LCNL1: variants seen among roughly 807,000 people sequenced by gnomAD.
LCNL1 encodes lipocalin like 1, also known as lipocalin-like 1 protein.
LCNL1 carries 11 observed loss-of-function variants against 7.9 expected under a neutral mutation model. The observed-to-expected ratio is 1.40, with a 90% CI of 0.88 to 2.32. The LOEUF (loss-of-function observed/expected upper bound fraction) is 2.32. LCNL1 is among the 30% of genes most tolerant of loss of function. The pLI, the probability that LCNL1 is intolerant of heterozygous loss-of-function variation, is 0.00. For synonymous variants in LCNL1, 90 were observed against 92.5 expected (o/e 0.97, Z 0.15); for missense variants, 218 against 217.0 (o/e 1.00, Z -0.03).
At chr9:136,984,621 G>C (rs933028811) in intron 2 of LCNL1, 58 bp downstream of exon 2, 211 of 1,504,464 alleles carry the variant, frequency 1.4e-4, no homozygotes, top group Non-Finnish European at 1.7e-4. Context: ...TGCATGGACT[G>C]CTGGATTGGC....
At position 136,983,372 on chromosome 9, in the gene LCNL1, A is replaced by G; in HGVS notation, c.-215A>G. 3.6e-6 allele frequency: 2 copies of G among 548,044 alleles called. No individual in the cohort carries two copies. Among genetic ancestry groups the G allele is most frequent in the Non-Finnish European group, 6.6e-6 (2 of 302,478 alleles). 33.9% of individuals were successfully genotyped at this position (548,044 alleles called of 1,614,324 possible). A position where few individuals can be genotyped will look rare whatever the true frequency, so the allele number is the denominator to read the frequency against. On this transcript the variant is annotated 5_prime_UTR_variant, in exon 1 of 3. Coordinates refer to ENST00000408973, the MANE Select transcript of LCNL1 (RefSeq NM_207510.4). ...GCCGTACCCCCTGGGTGCCAGCTGC[A>G]GACAGGCCGGTGCTGGGCTGGTGGG...
At position 136,983,580 on chromosome 9, in the gene LCNL1, C is replaced by T; in HGVS notation, c.-7C>T. ...CACTTGCCCTGCAGTTCCAGGGCAC[C>T]TGGTACATGGTCGGGGTGGTGTCAG... On this transcript the variant is annotated 5_prime_UTR_variant, in exon 1 of 3. Transcript: ENST00000408973. The T allele has an allele frequency of 6.2e-7, 1 of 1,612,828 alleles. No individual in the cohort carries two copies. The highest frequency in any genetic ancestry group is 8.5e-7 in the Non-Finnish European group (1 of 1,179,076).
At chr9:136,983,847 C>A in intron 1 of LCNL1, 139 bp downstream of exon 1, 1 of 1,218,966 alleles carries the variant, frequency 8.2e-7, no homozygotes, top group Non-Finnish European at 1.2e-6. Context: ...TGCGGCAGAG[C>A]CCCAGATGGC....
chr9:136,984,400 G>T, intron 1 of LCNL1, 90 bp from the exon 2 acceptor site: 1 of 1,215,140 alleles, frequency 8.2e-7, no homozygotes, highest in South Asian at 1.6e-5. Flanking sequence ...GTGAACAGGG[G>T]ACCCTGGGCT....
At position 136,984,564 on chromosome 9, in the gene LCNL1, G is replaced by T; in HGVS notation, c.196+1G>T. 6.4e-7 allele frequency: 1 copy of T among 1,566,928 alleles called. No homozygotes were observed. Among genetic ancestry groups the T allele is most frequent in the Non-Finnish European group, 8.7e-7 (1 of 1,155,506 alleles). Reference sequence around the variant, plus strand: ...GTACCGGGGCAGTTCAGCAACCCAGGTGAGGTGGGGCAGCAGGCAGGGCTG... The same window carrying T: ...GTACCGGGGCAGTTCAGCAACCCAGTTGAGGTGGGGCAGCAGGCAGGGCTG... On this transcript the variant is annotated splice_donor_variant, in intron 2 of 2. Transcript: ENST00000408973. LOFTEE classifies it high-confidence loss of function.
intron 1 of LCNL1, chr9:136,984,116 G>GTGTCTGGCTGTGTGTGTCTATCTC: frequency 4.9e-6 from 2 of 407,670 alleles, no homozygotes; most frequent in Non-Finnish European, 4.5e-6. Context: ...CTGTGTATCT[G>GTGTCTGGCTGTGTGTGTCTATCTC]TGTCTGGCTG....
chr9:136,983,835 T>G, intron 1 of LCNL1, 127 bp downstream of exon 1: 2 of 1,356,260 alleles, frequency 1.5e-6, no homozygotes, highest in East Asian at 2.3e-5. Flanking sequence ...TCGACGGCTC[T>G]GTGCGGCAGA....
intron 1 of LCNL1, 146 bp from the exon 2 acceptor site, chr9:136,984,344 C>A: frequency 1.4e-6 from 1 of 727,258 alleles, no homozygotes; most frequent in Non-Finnish European, 2.2e-6. Context: ...AGTGTCCCCA[C>A]CTCTAAGGTC....
At chr9:136,984,074 G>A in intron 1 of LCNL1, 1 of 411,994 alleles carries the variant, frequency 2.4e-6, no homozygotes, top group South Asian at 3.6e-5. Flanking sequence ...GTGTATGTGT[G>A]TATCACTGTA....
In LCNL1 at chr9:136,984,614, A is replaced by ACGGAC. The variant is rs1464775304; in HGVS notation, c.196+51_196+52insCGGAC. 4 of 1,518,046 alleles carry ACGGAC rather than the reference A, an allele frequency of 2.6e-6. No individual in the cohort carries two copies. The African/African-American group carries it at 4.1e-5, about 16-fold the overall frequency. 94.0% of individuals were successfully genotyped at this position (1,518,046 alleles called of 1,614,324 possible). A position where few individuals can be genotyped will look rare whatever the true frequency, so the allele number is the denominator to read the frequency against. On this transcript the variant is annotated intron_variant, in intron 2 of 2. Transcript: ENST00000408973. ...GTGGCGTGGGGGCCCTGGAGGCTGC[A>ACGGAC]TGGACTGCTGGATTGGCACCTGGGG...
At chr9:136,984,406 G>A in intron 1 of LCNL1, 84 bp from the exon 2 acceptor site, 1 of 1,284,894 alleles carries the variant, frequency 7.8e-7, no homozygotes, top group East Asian at 2.8e-5. Flanking sequence ...AGGGGACCCT[G>A]GGCTCAGAGA....
Position 136,984,747 on chromosome 9 carries a change from C to T in LCNL1, c.231C>T (p.Ser77=), listed in dbSNP as rs562318294. The part of the protein sequence containing the change: ...MALSDIRVAF[S]DYQHFALLYL... ...TGAGTGACATCCGAGTGGCCTTCTCCGACTACCAGCACTTTGCCTTGCTGT... is the reference window on the plus strand; with the variant it reads ...TGAGTGACATCCGAGTGGCCTTCTCTGACTACCAGCACTTTGCCTTGCTGT... The change falls in exon 3 of 3, where the codon TCC becomes TCT. Residue 77 remains serine, a synonymous_variant. Coordinates refer to ENST00000408973, the MANE Select transcript of LCNL1 (RefSeq NM_207510.4). 142 of 1,540,024 alleles carry T rather than the reference C, an allele frequency of 9.2e-5. 1 individual carries two copies. The highest frequency in any genetic ancestry group is 8.7e-4 in the Middle Eastern group (5 of 5,718).
chr9:136,984,785 G>A lies in LCNL1; in HGVS notation c.269G>A (p.Arg90Gln), dbSNP rs375042346. ...QHFALLYLEM[R>Q]KGGLRNQWLQ... ...TTTGCCTTGCTGTACTTGGAGATGC[G>A]GAAAGGGGGCCTGCGGAACCAGTGG... The change falls in exon 3 of 3, where the codon CGG (arginine) becomes CAG (glutamine). Residue 90 changes from arginine (R) to glutamine (Q), a missense_variant. By Grantham distance (43) the Arg-to-Gln change is conservative. Transcript: ENST00000408973. 9 of 1,574,262 alleles carry A rather than the reference G, an allele frequency of 5.7e-6. No homozygotes were observed. Among genetic ancestry groups the A allele is most frequent in the Non-Finnish European group, 7.8e-6 (9 of 1,157,080 alleles).
In LCNL1 at chr9:136,983,255, G is replaced by A; in HGVS notation, c.-332G>A. The A allele has an allele frequency of 7.0e-6, 2 of 285,252 alleles. No individual in the cohort carries two copies. The highest frequency in any genetic ancestry group is 7.5e-5 in the East Asian group (1 of 13,258). The allele number at this position is 285,252 out of a possible 1,614,324, so 17.7% of individuals were successfully genotyped here. A position where few individuals can be genotyped will look rare whatever the true frequency, so the allele number is the denominator to read the frequency against. On this transcript the variant is annotated 5_prime_UTR_variant, in exon 1 of 3. Coordinates refer to ENST00000408973, the MANE Select transcript of LCNL1 (RefSeq NM_207510.4). Reference sequence around the variant, plus strand: ...GTTGCATCCCCCAACAATCCCCAGGGCCCAAAATAGGGACAAGTTGGTTGC... The same window carrying A: ...GTTGCATCCCCCAACAATCCCCAGGACCCAAAATAGGGACAAGTTGGTTGC...
Position 136,983,413 on chromosome 9 carries a change from T to A in LCNL1, c.-174T>A. ...GGCTGGTGGGGGCCAGTTGCTCATG[T>A]ACTGAGGCCCCCCTCCCTCAGTTCT... On this transcript the variant is annotated 5_prime_UTR_variant, in exon 1 of 3. The change creates a premature stop within an existing upstream ORF in the 5' untranslated region. Coordinates refer to ENST00000408973, the MANE Select transcript of LCNL1 (RefSeq NM_207510.4). 2.7e-6 allele frequency: 2 copies of A among 727,494 alleles called. No individual in the cohort carries two copies. The highest frequency in any genetic ancestry group is 4.6e-6 in the Non-Finnish European group (2 of 431,424). 45.1% of individuals were successfully genotyped at this position (727,494 alleles called of 1,614,324 possible).
intron 1 of LCNL1, 41 bp from the exon 2 acceptor site, chr9:136,984,449 C>A (rs532127978): frequency 2.0e-6 from 3 of 1,509,330 alleles, no homozygotes; most frequent in East Asian, 2.5e-5. Context: ...GGGCGCTGGG[C>A]AGGGGTGGCC....
rs1417421761 is a variant in LCNL1 at position 136,985,251 on chromosome 9, G to A, written c.*240G>A. On this transcript the variant is annotated 3_prime_UTR_variant, in exon 3 of 3. Coordinates refer to ENST00000408973, the MANE Select transcript of LCNL1 (RefSeq NM_207510.4). The stretch of plus-strand genomic sequence containing the variant: ...TCAGATTCGGGACAGAAGTGCCCGG[G>A]GCAGACCCAGCCTGTCTGGGTCGGG... 6.1e-6 allele frequency: 3 copies of A among 489,672 alleles called. No homozygotes were observed. In the East Asian group the frequency reaches 1.0e-4, roughly 17 times the overall value. The allele number at this position is 489,672 out of a possible 1,614,324, so 30.3% of individuals were successfully genotyped here.
At chr9:136,983,807 AGGTCAGACCAC>A in intron 1 of LCNL1, 99 bp downstream of exon 1, 1 of 1,539,068 alleles carries the variant, frequency 6.5e-7, no homozygotes, top group South Asian at 1.2e-5. Flanking sequence ...CAGCACATTG[AGGTCAGACCAC>A]GGGTCCTCGA....
chr9:136,984,860 GCTTCGGGT>G lies in LCNL1; in HGVS notation c.347_354del (p.Phe116TrpfsTer118). On this transcript the variant is annotated frameshift_variant, in exon 3 of 3. Coordinates refer to ENST00000408973, the MANE Select transcript of LCNL1 (RefSeq NM_207510.4). LOFTEE classifies it low-confidence loss of function (END_TRUNC). ...GCGGGGCGGAGACCCAGACACCCCC[GCTTCGGGT>G]CTGGGATGTCACCCCTGTGCCTGCA... 1.9e-6 allele frequency: 3 copies of G among 1,561,948 alleles called. No homozygotes were observed. In the Admixed American group the frequency reaches 5.8e-5, roughly 30 times the overall value.
Sources: gnomAD v4.1 joint callset for allele counts on GRCh38, gnomAD v4.1.1 for gene constraint, MANE v1.5 for transcripts, NCBI Gene and HGNC (gene_info 2026-07-23, HGNC 2026-07-21) for gene names.